Variants in GPHN observed in about 807,000 individuals in gnomAD.
The protein encoded by GPHN is gephyrin.
GPHN carries 17 observed loss-of-function variants against 95.5 expected under a neutral mutation model. That is an observed-to-expected ratio of 0.18 (90% CI 0.12 to 0.27). GPHN has a LOEUF of 0.27. GPHN is among the 10% of genes least tolerant of loss of function. The probability of loss-of-function intolerance (pLI) is 1.00; values close to 1 mark genes in which losing one functional copy is unlikely to be tolerated. For missense variants in GPHN, 660 were observed against 978.1 expected, an observed-to-expected ratio of 0.67 and a Z score of 4.34; for synonymous variants, 320 against 322.5, an observed-to-expected ratio of 0.99 and a Z score of 0.08.
the GPHN span, among the ~76,000 whole-genome samples, chr14:67,228,840 G>A: frequency 1.6e-4 from 25 of 152,258 alleles, no homozygotes; most frequent in African/African-American, 6.0e-4. Flanking sequence ...TTCTAGCTGA[G>A]TACCTGGTGC....
chr14:67,357,496 C>T, the GPHN span, among the ~76,000 whole-genome samples: 3 of 152,220 alleles, frequency 2.0e-5, no homozygotes, highest in Non-Finnish European at 2.9e-5. Context: ...ATAGTAGTTT[C>T]ACCTTCATGA....
At chr14:67,292,076 A>G in the GPHN span, among the ~76,000 whole-genome samples, 2 of 152,216 alleles carry the variant, frequency 1.3e-5, no homozygotes, top group African/African-American at 4.8e-5. Context: ...ACTATAAATT[A>G]TGGTTTAGCC....
chr14:67,578,297 C>T, the GPHN span: 2 of 1,101,908 alleles, frequency 1.8e-6, no homozygotes, highest in Admixed American at 3.7e-5. The surrounding 1 kb of genome is among the most constrained non-coding windows in gnomAD (Gnocchi z 5.0). Flanking sequence ...ATACGGTGAG[C>T]CCAGCCAGCG....
intron 5 of GPHN, among the ~76,000 whole-genome samples, chr14:66,884,056 C>T (rs1259851939): frequency 6.6e-6 from 1 of 152,022 alleles, no homozygotes; most frequent in Non-Finnish European, 1.5e-5. Flanking sequence ...TGTAGTTGTA[C>T]ACAACTGACC....
At chr14:66,716,387 C>G (rs1223374370) in intron 2 of GPHN, among the ~76,000 whole-genome samples, 2 of 152,048 alleles carry the variant, frequency 1.3e-5, no homozygotes, top group African/African-American at 4.8e-5. Flanking sequence ...TCATGTGAGT[C>G]CTTAAGTGTT....
At chr14:66,694,745 A>G (rs1290012112) in intron 2 of GPHN, among the ~76,000 whole-genome samples, 1 of 152,232 alleles carries the variant, frequency 6.6e-6, no homozygotes, top group African/African-American at 2.4e-5. Context: ...CTACAAACAC[A>G]ATGCCATGAA....
chr14:66,705,363 A>C (rs1180766661), intron 2 of GPHN, among the ~76,000 whole-genome samples: 1 of 139,794 alleles, frequency 7.2e-6, no homozygotes, highest in Non-Finnish European at 1.5e-5. Context: ...ACACAACAAA[A>C]AAAGAAAACT....
the GPHN span, among the ~76,000 whole-genome samples, chr14:67,543,461 G>C: frequency 6.6e-6 from 1 of 152,246 alleles, no homozygotes; most frequent in Non-Finnish European, 1.5e-5. Context: ...GCAGACCTTA[G>C]ACAGTGATTC....
At chr14:67,412,626 C>T in the GPHN span, among the ~76,000 whole-genome samples, 1 of 152,154 alleles carries the variant, frequency 6.6e-6, no homozygotes, top group Admixed American at 6.6e-5. Flanking sequence ...GCAGGGCCCC[C>T]TGTCCGCAGG....
At chr14:67,712,881 A>T in the GPHN span, among the ~76,000 whole-genome samples, 2 of 152,076 alleles carry the variant, frequency 1.3e-5, no homozygotes, top group Admixed American at 1.3e-4. Flanking sequence ...TAATCAAAAT[A>T]AAAAAATGTT....
chr14:67,500,292 G>T, the GPHN span, among the ~76,000 whole-genome samples: 1 of 152,068 alleles, frequency 6.6e-6, no homozygotes, highest in African/African-American at 2.4e-5. Context: ...TGGCCAACAT[G>T]GTGAAACCTT....
chr14:66,715,887 T>G (rs2153424762), intron 2 of GPHN, among the ~76,000 whole-genome samples: 1 of 152,198 alleles, frequency 6.6e-6, no homozygotes, highest in Admixed American at 6.5e-5. Flanking sequence ...TGAGGCTTGT[T>G]GTTTTGTGGC....
intron 8 of GPHN, among the ~76,000 whole-genome samples, chr14:66,945,861 G>C (rs913130762): frequency 6.6e-6 from 1 of 152,056 alleles, no homozygotes; most frequent in Non-Finnish European, 1.5e-5. Flanking sequence ...AGGGAAGACT[G>C]GGCTTCTCTT....
the GPHN span, among the ~76,000 whole-genome samples, chr14:67,289,664 T>C: frequency 6.6e-6 from 1 of 152,126 alleles, no homozygotes; most frequent in South Asian, 2.1e-4. Flanking sequence ...TTAACTGCTG[T>C]TCAAATTGTG....
intron 1 of GPHN, among the ~76,000 whole-genome samples, chr14:66,670,137 G>A (rs895668684): frequency 1.3e-5 from 2 of 152,166 alleles, no homozygotes; most frequent in African/African-American, 2.4e-5. Context: ...AGGTTGAGGT[G>A]GGAGTCGGGT....
the GPHN span, chr14:67,600,338 C>A: frequency 4.1e-6 from 3 of 728,582 alleles, no homozygotes; most frequent in Non-Finnish European, 6.3e-6. Context: ...GCCTCAGTTG[C>A]GCGCCGAGAG....
At chr14:67,684,824 T>C in the GPHN span, 1 of 457,920 alleles carries the variant, frequency 2.2e-6, no homozygotes, top group South Asian at 5.1e-5. Flanking sequence ...GTATAAAAGA[T>C]GGCATAAAAT....
At chr14:66,558,561 C>G (rs17827796) in intron 1 of GPHN, among the ~76,000 whole-genome samples, 47,290 of 151,868 alleles carry the variant, frequency 0.31, 11,186 homozygotes, top group African/African-American at 0.64. Flanking sequence ...TTAATGTGCT[C>G]TTAGTCTTGA....
the GPHN span, among the ~76,000 whole-genome samples, chr14:67,416,591 G>A: frequency 5.9e-5 from 9 of 152,188 alleles, no homozygotes; most frequent in Non-Finnish European, 1.3e-4. Context: ...CCAGCTAGTT[G>A]CTCTGCTACA....
Sources: gnomAD v4.1 joint callset for allele counts (sites outside exome capture counted in the v4.1 genomes callset) on GRCh38, gnomAD v4.1.1 for gene constraint, Gnocchi (gnomAD v3.1) non-coding constraint, MANE v1.5 for transcripts, NCBI Gene and HGNC (gene_info 2026-07-23, HGNC 2026-07-21) for gene names.